The following EXPH5 variants were observed in gnomAD, a reference collection of about 807,000 sequenced individuals.
EXPH5 encodes exophilin-5.
EXPH5 carries 42 observed loss-of-function variants against 41.1 expected under a neutral mutation model. That is an observed-to-expected ratio of 1.02 (90% confidence interval 0.80 to 1.32). EXPH5 has a LOEUF of 1.32. Among genes scored for constraint, EXPH5 ranks in the 40% most tolerant of loss-of-function variants. The probability of loss-of-function intolerance (pLI) is 0.00; values close to 1 mark genes in which losing one functional copy is unlikely to be tolerated. For synonymous variants in EXPH5, 798 were observed against 833.5 expected (o/e 0.96, Z 0.73); for missense variants, 2,298 against 2,314.5 (o/e 0.99, Z 0.15).
intron 3 of EXPH5, among the ~76,000 whole-genome samples, chr11:108,532,740 T>C (rs762180864): frequency 6.6e-6 from 1 of 152,148 alleles, no homozygotes; most frequent in African/African-American, 2.4e-5. Context: ...GAAAATCAGA[T>C]AGGCCTCTGA....
chr11:108,520,728 G>A (rs886986142), intron 4 of EXPH5, among the ~76,000 whole-genome samples: 11 of 151,550 alleles, frequency 7.3e-5, no homozygotes, highest in African/African-American at 2.7e-4. Context: ...CACCATGCCT[G>A]GCTAATTTTT....
At chr11:108,606,113 C>T in the EXPH5 span, among the ~76,000 whole-genome samples, 3 of 152,172 alleles carry the variant, frequency 2.0e-5, no homozygotes, top group Non-Finnish European at 4.4e-5. Context: ...ACTGTTACCT[C>T]GAACTCCTGG....
chr11:108,528,992 G>T (rs2093818938), intron 3 of EXPH5, among the ~76,000 whole-genome samples: 1 of 150,994 alleles, frequency 6.6e-6, no homozygotes, highest in South Asian at 2.1e-4. Context: ...TGTGAGCCGT[G>T]GTGCCTGGCC....
intron 1 of EXPH5, among the ~76,000 whole-genome samples, chr11:108,553,207 A>G (rs1175640653): frequency 6.6e-6 from 1 of 152,196 alleles, no homozygotes; most frequent in Non-Finnish European, 1.5e-5. Flanking sequence ...TAAAAAAAAT[A>G]AAATAAAATA....
Position 108,507,362 on chromosome 11 carries a change from C to T in EXPH5, c.*2175G>A, listed in dbSNP as rs2093649800. On this transcript the variant is annotated 3_prime_UTR_variant, in exon 6 of 6. Coordinates refer to ENST00000265843, the MANE Select transcript of EXPH5 (RefSeq NM_015065.3). ...ATCAGTTCCAGATCTCTATACACTT[C>T]ACCAACATCTATCATTATTCTTAGT... The T allele has an allele frequency of 6.6e-6, 1 of 152,200 alleles. No homozygotes were observed. The highest frequency in any genetic ancestry group is 6.5e-5 in the Admixed American group (1 of 15,284). 9.4% of individuals were successfully genotyped at this position (152,200 alleles called of 1,614,324 possible).
Position 108,536,552 on chromosome 11 carries a change from G to A in EXPH5, c.443+2472C>T, listed in dbSNP as rs1461560911. 2.6e-5 allele frequency among the ~76,000 whole-genome samples: 4 copies of A among 152,148 alleles called. No homozygotes were observed. The South Asian group carries it at 6.2e-4, about 24-fold the overall frequency. ...AGTGCCGGGATTACAGGCGTGAGCC[G>A]TCATGACTGGCCTTTCTTTTTGGAT... On this transcript the variant is annotated intron_variant, in intron 3 of 5. Coordinates refer to ENST00000265843, the MANE Select transcript of EXPH5 (RefSeq NM_015065.3).
intron 3 of EXPH5, among the ~76,000 whole-genome samples, chr11:108,532,346 ATATATATATATATATATATATTTTT>A: frequency 1.5e-4 from 1 of 6,682 alleles, no homozygotes; most frequent in Non-Finnish European, 2.7e-4. Context: ...CTGGATATAT[ATATATATATATATATATATATTTTT>A]TTTTTTTTTT....
chr11:108,532,788 T>C (rs1235399173), intron 3 of EXPH5, among the ~76,000 whole-genome samples: 1 of 152,170 alleles, frequency 6.6e-6, no homozygotes, highest in Non-Finnish European at 1.5e-5. Context: ...AAAACACTTT[T>C]CTACCATCTC....
intron 5 of EXPH5, among the ~76,000 whole-genome samples, chr11:108,515,525 TTA>T (rs879522202): frequency 6.6e-6 from 1 of 152,180 alleles, no homozygotes; most frequent in Non-Finnish European, 1.5e-5. Flanking sequence ...TTAATACCCA[TTA>T]ACACTCCTAT....
chr11:108,509,396 G>GA lies in EXPH5; in HGVS notation c.*140dup, dbSNP rs201174655. On this transcript the variant is annotated 3_prime_UTR_variant, in exon 6 of 6. Coordinates refer to ENST00000265843, the MANE Select transcript of EXPH5 (RefSeq NM_015065.3). ...GGAAGTGTCTATATAGGGTGTGGAG[G>GA]AAAAAAAAGGAGATGTGGGACATTT... 6.0e-3 allele frequency: 4,219 copies of GA among 706,684 alleles called. 38 individuals are homozygous for GA. The highest frequency in any genetic ancestry group is 5.8e-3 in the Non-Finnish European group (2,590 of 445,714). The allele number at this position is 706,684 out of a possible 1,614,324, so 43.8% of individuals were successfully genotyped here.
In EXPH5 at chr11:108,518,375, T is replaced by A; in HGVS notation, c.493-2A>T. ...AGGTGAATTGTATATTTTTGCCTGCTAATTTTAAAGCAGAGAACACAATAT... is the reference window on the plus strand; with the variant it reads ...AGGTGAATTGTATATTTTTGCCTGCAAATTTTAAAGCAGAGAACACAATAT... On this transcript the variant is annotated splice_acceptor_variant, in intron 4 of 5. Transcript: ENST00000265843. LOFTEE classifies it high-confidence loss of function. 6.2e-7 allele frequency: 1 copy of A among 1,613,352 alleles called. No individual in the cohort carries two copies. The highest frequency in any genetic ancestry group is 1.1e-5 in the South Asian group (1 of 90,852).
chr11:108,567,895 C>T (rs1244806127), intron 1 of EXPH5: 18 of 152,224 alleles, frequency 1.2e-4, no homozygotes. Flanking sequence ...CCAGGGGCTT[C>T]ATCCTGGCAC....
intron 3 of EXPH5, among the ~76,000 whole-genome samples, chr11:108,528,691 T>C (rs1484277424): frequency 6.7e-6 from 1 of 149,880 alleles, no homozygotes; most frequent in Non-Finnish European, 1.5e-5. Flanking sequence ...TTTTTTTTCT[T>C]TCCCTTTTTT....
chr11:108,598,570 A>G (rs764443297), upstream of EXPH5, among the ~76,000 whole-genome samples: 2 of 152,060 alleles, frequency 1.3e-5, no homozygotes, highest in Non-Finnish European at 2.9e-5. Context: ...TCTGAAGAGG[A>G]GGGGATAATC....
chr11:108,591,341 A>G (rs549454024), intron 1 of EXPH5, among the ~76,000 whole-genome samples: 9 of 152,316 alleles, frequency 5.9e-5, no homozygotes, highest in Admixed American at 3.3e-4. Flanking sequence ...CTGCATGCCA[A>G]TATCTGATAC....
intron 1 of EXPH5, among the ~76,000 whole-genome samples, chr11:108,569,823 A>G (rs1438587511): frequency 2.0e-5 from 2 of 98,680 alleles, no homozygotes; most frequent in African/African-American, 7.3e-5. Context: ...CTCTCACTTT[A>G]CAGAGGAACA....
chr11:108,567,313 A>G lies in EXPH5; in HGVS notation c.120-25501T>C, dbSNP rs895077254. On this transcript the variant is annotated intron_variant, in intron 1 of 5. Coordinates refer to ENST00000265843, the MANE Select transcript of EXPH5 (RefSeq NM_015065.3). ...GTATTCCAACTCCTGATTATAGCACAATAAATGTGTTATGTAGAATTGGTT... is the reference window on the plus strand; with the variant it reads ...GTATTCCAACTCCTGATTATAGCACGATAAATGTGTTATGTAGAATTGGTT... 3.3e-5 allele frequency among the ~76,000 whole-genome samples: 5 copies of G among 152,230 alleles called. 1 individual carries two copies. The highest frequency in any genetic ancestry group is 1.2e-4 in the African/African-American group (5 of 41,464).
chr11:108,560,750 C>T (rs2136078177), intron 1 of EXPH5, among the ~76,000 whole-genome samples: 1 of 152,252 alleles, frequency 6.6e-6, no homozygotes, highest in Non-Finnish European at 1.5e-5. Context: ...GAAATACTGC[C>T]AGCAGTACAA....
rs1007971175 is a variant in EXPH5 at position 108,562,441 on chromosome 11, A to AC, written c.120-20630_120-20629insG. Among the ~76,000 whole-genome samples, 9 of 150,998 alleles carry AC rather than the reference A, an allele frequency of 6.0e-5. No individual in the cohort carries two copies. In the South Asian group the frequency reaches 1.0e-3, roughly 18 times the overall value. On this transcript the variant is annotated intron_variant, in intron 1 of 5. Transcript: ENST00000265843. The stretch of plus-strand genomic sequence containing the variant: ...ACCCGTTCTCTACTAAACAACAACA[A>AC]AAAAAAAGAATACAAAAATTAGCTG...
Sources: gnomAD v4.1 joint callset for allele counts (sites outside exome capture counted in the v4.1 genomes callset) on GRCh38, gnomAD v4.1.1 for gene constraint, MANE v1.5 for transcripts, NCBI Gene and HGNC (gene_info 2026-07-23, HGNC 2026-07-21) for gene names.